The following PAK2 variants were observed in gnomAD, a reference collection of about 807,000 sequenced individuals.
The protein encoded by PAK2 is serine/threonine-protein kinase PAK 2.
In PAK2, 21 loss-of-function variants were observed where a neutral mutation model predicts 65.9. That is an observed-to-expected ratio of 0.32 (90% CI 0.23 to 0.46). PAK2 has a LOEUF of 0.46. Among genes scored for constraint, PAK2 ranks in the 20% least tolerant of loss-of-function variants. The pLI, the probability that PAK2 is intolerant of heterozygous loss-of-function variation, is 1.00. For missense variants in PAK2, 324 were observed against 642.6 expected, an observed-to-expected ratio of 0.50 and a Z score of 5.36; for synonymous variants, 204 against 219.7, an observed-to-expected ratio of 0.93 and a Z score of 0.63.
At chr3:196,755,903 G>C (rs1053569031) in intron 1 of PAK2, among the ~76,000 whole-genome samples, 4 of 152,080 alleles carry the variant, frequency 2.6e-5, no homozygotes, top group Admixed American at 6.6e-5. Context: ...TTACAGGCGA[G>C]CACCACCATG....
Position 196,812,250 on chromosome 3 carries a change from G to T in PAK2, c.805G>T (p.Val269Phe). 6.3e-7 allele frequency: 1 copy of T among 1,588,540 alleles called. No homozygotes were observed. Among genetic ancestry groups the T allele is most frequent in the Non-Finnish European group, 8.6e-7 (1 of 1,157,052 alleles). ...TGGTACAGTTTTCACTGCTACTGAC[G>T]TTGCACTGGGACAGGAGGTAGTTAC... ...ASGTVFTATD[V>F]ALGQEVAIKQ... The change falls in exon 9 of 15, where the codon GTT (valine) becomes TTT (phenylalanine). Residue 269 changes from valine to phenylalanine, a missense_variant. By Grantham distance (50) the Val-to-Phe change is conservative. This residue lies in a region of PAK2 where 183 missense variants were observed against 246.2 expected (regional missense o/e 0.74). Coordinates refer to ENST00000327134, the MANE Select transcript of PAK2 (RefSeq NM_002577.4).
intron 13 of PAK2, among the ~76,000 whole-genome samples, 198 bp from the exon 14 acceptor site, chr3:196,826,998 A>G (rs910707017): frequency 6.6e-5 from 10 of 152,228 alleles, no homozygotes; most frequent in Non-Finnish European, 1.5e-4. Context: ...CTGATTTCAG[A>G]AAAGTAACTT....
In PAK2 at chr3:196,812,864, A is replaced by G. The variant is rs761553616; in HGVS notation, c.935+13A>G. The G allele has an allele frequency of 2.7e-6, 3 of 1,124,126 alleles. No homozygotes were observed. The highest frequency in any genetic ancestry group is 4.0e-6 in the Non-Finnish European group (3 of 741,266). 69.6% of individuals were successfully genotyped at this position (1,124,126 alleles called of 1,614,324 possible). ...ACTTTTTGGACAGGTAAGTATGACT[A>G]TTCCTTAAACACCGGGAGAAAATGT... On this transcript the variant is annotated intron_variant, in intron 10 of 14. Coordinates refer to ENST00000327134, the MANE Select transcript of PAK2 (RefSeq NM_002577.4).
intron 2 of PAK2, among the ~76,000 whole-genome samples, chr3:196,794,662 C>T (rs1343549556): frequency 2.0e-5 from 3 of 152,284 alleles, no homozygotes; most frequent in Admixed American, 6.5e-5. Flanking sequence ...AGGAGGGAGG[C>T]GGGATTACTG....
At chr3:196,807,381 T>C (rs1195258997) in intron 6 of PAK2, among the ~76,000 whole-genome samples, 1 of 152,204 alleles carries the variant, frequency 6.6e-6, no homozygotes, top group Admixed American at 6.6e-5. Context: ...TATAATTGTG[T>C]AAAAACTTTC....
At chr3:196,812,088 C>T (rs1715846961) in intron 8 of PAK2, 131 bp from the exon 9 acceptor site, 3 of 529,228 alleles carry the variant, frequency 5.7e-6, no homozygotes, top group South Asian at 2.5e-5. Flanking sequence ...TTTGCTTTTA[C>T]TCCTTTTAAG....
At chr3:196,807,946 A>T in intron 7 of PAK2, 32 bp downstream of exon 7, 1 of 1,581,386 alleles carries the variant, frequency 6.3e-7, no homozygotes, top group Non-Finnish European at 8.7e-7. Flanking sequence ...TCATTGTTAA[A>T]TTGTTCACGG....
chr3:196,829,812 G>A lies in PAK2; in HGVS notation c.*1407G>A, dbSNP rs1015865811. ...AACGAGAAAGGAAAATGAAATGTGCGTGTTGATAGCAATAATTTGTTTCTT... is the reference window on the plus strand; with the variant it reads ...AACGAGAAAGGAAAATGAAATGTGCATGTTGATAGCAATAATTTGTTTCTT... On this transcript the variant is annotated 3_prime_UTR_variant, in exon 15 of 15. Coordinates refer to ENST00000327134, the MANE Select transcript of PAK2 (RefSeq NM_002577.4). The A allele has an allele frequency of 2.6e-5, 4 of 152,162 alleles. No homozygotes were observed. Among genetic ancestry groups the A allele is most frequent in the Non-Finnish European group, 4.4e-5 (3 of 68,038 alleles). The allele number at this position is 152,162 out of a possible 1,614,324, so 9.4% of individuals were successfully genotyped here. A position where few individuals can be genotyped will look rare whatever the true frequency, so the allele number is the denominator to read the frequency against.
intron 2 of PAK2, among the ~76,000 whole-genome samples, 193 bp from the exon 3 acceptor site, chr3:196,801,734 G>A (rs1221777494): frequency 1.3e-5 from 2 of 152,070 alleles, no homozygotes; most frequent in Non-Finnish European, 2.9e-5. Flanking sequence ...TTGGGAGACT[G>A]AGGCAGGAGG....
intron 2 of PAK2, among the ~76,000 whole-genome samples, chr3:196,794,725 A>G (rs930145729): frequency 6.6e-6 from 1 of 152,164 alleles, no homozygotes; most frequent in Non-Finnish European, 1.5e-5. Flanking sequence ...GATGCCAAAT[A>G]GAGCAGCTGT....
At chr3:196,796,560 A>G (rs1715266339) in intron 2 of PAK2, among the ~76,000 whole-genome samples, 1 of 152,226 alleles carries the variant, frequency 6.6e-6, no homozygotes, top group Admixed American at 6.5e-5. Context: ...GAAGTGTACA[A>G]TTTCAACAGG....
chr3:196,780,039 C>G (rs917225378), intron 1 of PAK2, among the ~76,000 whole-genome samples: 1 of 152,196 alleles, frequency 6.6e-6, no homozygotes, highest in Non-Finnish European at 1.5e-5. Context: ...CTGGTAGTAG[C>G]CCATACTTAG....
At chr3:196,751,012 G>A (rs948347347) in intron 1 of PAK2, among the ~76,000 whole-genome samples, 3 of 151,882 alleles carry the variant, frequency 2.0e-5, no homozygotes, top group South Asian at 2.1e-4. Flanking sequence ...ACTGAAACTC[G>A]GTACTCATTA....
At position 196,759,489 on chromosome 3, in the gene PAK2, GTTTTTTTTGTTTTTTTTTTTTTTTT is replaced by G. The variant is rs1245756877; in HGVS notation, c.-22+19341_-22+19365del. 1.3e-4 allele frequency among the ~76,000 whole-genome samples: 13 copies of G among 98,882 alleles called. 1 individual carries two copies. In the East Asian group the frequency reaches 2.0e-3, roughly 15 times the overall value. The allele number at this position is 98,882 out of a possible 152,430, so 64.9% of individuals were successfully genotyped here. A position where few individuals can be genotyped will look rare whatever the true frequency, so the allele number is the denominator to read the frequency against. The stretch of plus-strand genomic sequence containing the variant: ...ACCCTTTAAGGTATACAGTTAAGTG[GTTTTTTTTGTTTTTTTTTTTTTTTT>G]TTTTTTTTTTTTTTTTTTTTTTTGA... On this transcript the variant is annotated intron_variant, in intron 1 of 14. Coordinates refer to ENST00000327134, the MANE Select transcript of PAK2 (RefSeq NM_002577.4).
chr3:196,780,431 G>A (rs1714670547), intron 1 of PAK2, among the ~76,000 whole-genome samples: 1 of 152,176 alleles, frequency 6.6e-6, no homozygotes, highest in Non-Finnish European at 1.5e-5. Context: ...ATGGTGGCAG[G>A]CAAAGAGAGA....
At chr3:196,785,991 T>G (rs1484584632) in intron 2 of PAK2, among the ~76,000 whole-genome samples, 1 of 152,160 alleles carries the variant, frequency 6.6e-6, no homozygotes, top group African/African-American at 2.4e-5. Context: ...ACTTGGTGGT[T>G]AGCTTTTTCG....
At chr3:196,795,486 C>CAACAAA (rs1715228639) in intron 2 of PAK2, among the ~76,000 whole-genome samples, 1 of 151,360 alleles carries the variant, frequency 6.6e-6, no homozygotes, top group South Asian at 2.1e-4. Context: ...ACAACAACAA[C>CAACAAA]AACAAAAACA....
chr3:196,766,274 A>G (rs1214310396), intron 1 of PAK2, among the ~76,000 whole-genome samples: 1 of 152,218 alleles, frequency 6.6e-6, no homozygotes, highest in African/African-American at 2.4e-5. Flanking sequence ...AGTAGAGGAA[A>G]TATGATACAT....
intron 1 of PAK2, among the ~76,000 whole-genome samples, chr3:196,756,612 A>C (rs1030155013): frequency 1.3e-5 from 2 of 152,138 alleles, no homozygotes; most frequent in African/African-American, 4.8e-5. Context: ...CCGAGCTGGG[A>C]GGATCACAAG....
Sources: allele counts gnomAD v4.1 joint callset (sites outside exome capture counted in the v4.1 genomes callset), GRCh38; gene constraint gnomAD v4.1.1; regional missense constraint gnomAD v4.1.1; transcripts MANE v1.5; gene names NCBI Gene and HGNC (gene_info 2026-07-23, HGNC 2026-07-21).